Variants in KCNJ3 observed in about 807,000 individuals in gnomAD.
KCNJ3 encodes G protein-activated inward rectifier potassium channel 1.
KCNJ3 carries 4 observed loss-of-function variants against 39.2 expected under a neutral mutation model. That is an observed-to-expected ratio of 0.10 (90% CI 0.05 to 0.23). The LOEUF (loss-of-function observed/expected upper bound fraction) is 0.23, where lower values mean the gene tolerates loss of function less well. Ranked by LOEUF, KCNJ3 falls within the 10% of genes least tolerant of loss-of-function variation. The probability of loss-of-function intolerance (pLI) is 1.00; values close to 1 mark genes in which losing one functional copy is unlikely to be tolerated. For synonymous variants in KCNJ3, 230 were observed against 237.4 expected, an observed-to-expected ratio of 0.97 and a Z score of 0.29; for missense variants, 276 against 634.9, an observed-to-expected ratio of 0.43 and a Z score of 6.08.
At chr2:154,789,342 A>G (rs1230637286) in intron 2 of KCNJ3, among the ~76,000 whole-genome samples, 1 of 152,054 alleles carries the variant, frequency 6.6e-6, no homozygotes, top group Non-Finnish European at 1.5e-5. Flanking sequence ...AACACAAAGA[A>G]TATTTGTTTT....
intron 2 of KCNJ3, among the ~76,000 whole-genome samples, chr2:154,782,912 C>T (rs1004534852): frequency 6.6e-6 from 1 of 152,130 alleles, no homozygotes; most frequent in Non-Finnish European, 1.5e-5. Context: ...TGTGGTGCCT[C>T]ACACCTGTAG....
chr2:154,851,818 T>C (rs942377680), intron 2 of KCNJ3, among the ~76,000 whole-genome samples: 2 of 152,190 alleles, frequency 1.3e-5, no homozygotes, highest in Non-Finnish European at 2.9e-5. Flanking sequence ...TTTAAGTACC[T>C]TAATAATTGA....
chr2:154,736,747 G>A (rs946554607), intron 2 of KCNJ3, among the ~76,000 whole-genome samples: 2 of 152,148 alleles, frequency 1.3e-5, no homozygotes, highest in African/African-American at 2.4e-5. Context: ...AAACAACTGA[G>A]CAAAACATAT....
intron 2 of KCNJ3, among the ~76,000 whole-genome samples, chr2:154,752,433 A>C (rs1297892555): frequency 6.6e-6 from 1 of 152,018 alleles, no homozygotes; most frequent in Non-Finnish European, 1.5e-5. Context: ...TGGAGCTTTA[A>C]AGAAGGATTT....
chr2:154,755,455 G>A (rs1203801554), intron 2 of KCNJ3, among the ~76,000 whole-genome samples: 2 of 150,754 alleles, frequency 1.3e-5, no homozygotes, highest in Admixed American at 6.6e-5. Flanking sequence ...CTGATATTAG[G>A]CATTTGCAAA....
intron 2 of KCNJ3, among the ~76,000 whole-genome samples, chr2:154,723,241 C>T (rs144247825): frequency 3.4e-4 from 52 of 152,030 alleles, no homozygotes; most frequent in African/African-American, 1.1e-3. Context: ...GCTGTGATGG[C>T]GCCACTGCAC....
chr2:154,722,507 C>T (rs1198646776), intron 2 of KCNJ3, among the ~76,000 whole-genome samples: 2 of 152,138 alleles, frequency 1.3e-5, no homozygotes, highest in African/African-American at 2.4e-5. Flanking sequence ...GTTTAAATAA[C>T]TGAATGACAT....
intron 2 of KCNJ3, among the ~76,000 whole-genome samples, chr2:154,781,408 T>C (rs921142096): frequency 1.3e-5 from 2 of 152,208 alleles, no homozygotes; most frequent in Non-Finnish European, 2.9e-5. Flanking sequence ...TTGCAACTAA[T>C]AGATGAATAC....
At chr2:154,811,930 C>T (rs1687014401) in intron 2 of KCNJ3, among the ~76,000 whole-genome samples, 1 of 152,232 alleles carries the variant, frequency 6.6e-6, no homozygotes, top group East Asian at 1.9e-4. Flanking sequence ...TACTTAAAGC[C>T]TCCTGTGTTT....
At chr2:154,816,085 A>C (rs1468739105) in intron 2 of KCNJ3, among the ~76,000 whole-genome samples, 1 of 152,176 alleles carries the variant, frequency 6.6e-6, no homozygotes, top group African/African-American at 2.4e-5. Context: ...TCTGCCTCGC[A>C]TGTAGTAGAT....
At chr2:154,818,785 C>T (rs1226380134) in intron 2 of KCNJ3, among the ~76,000 whole-genome samples, 1 of 152,044 alleles carries the variant, frequency 6.6e-6, no homozygotes, top group African/African-American at 2.4e-5. Context: ...ATGGAAGTTT[C>T]AAAACATCTG....
intron 2 of KCNJ3, among the ~76,000 whole-genome samples, chr2:154,771,232 T>G (rs1232234273): frequency 6.6e-6 from 1 of 152,114 alleles, no homozygotes; most frequent in East Asian, 1.9e-4. Context: ...AGGAAATTTA[T>G]CTGGAAGAGG....
At chr2:154,783,891 T>A (rs1686482553) in intron 2 of KCNJ3, among the ~76,000 whole-genome samples, 1 of 152,196 alleles carries the variant, frequency 6.6e-6, no homozygotes, top group Non-Finnish European at 1.5e-5. Flanking sequence ...ACCACTATTA[T>A]TGATTGAATT....
At chr2:154,799,963 C>A (rs1397848370) in intron 2 of KCNJ3, among the ~76,000 whole-genome samples, 1 of 152,072 alleles carries the variant, frequency 6.6e-6, no homozygotes, top group African/African-American at 2.4e-5. Flanking sequence ...TGGGATCTAG[C>A]TGGAGAGTGG....
At chr2:154,705,191 A>G in intron 1 of KCNJ3, among the ~76,000 whole-genome samples, 1 of 152,178 alleles carries the variant, frequency 6.6e-6, no homozygotes, top group Middle Eastern at 3.2e-3. Context: ...CGGGAGAGAG[A>G]GAGGTAGCTA....
At chr2:154,817,075 AT>A (rs1687093746) in intron 2 of KCNJ3, among the ~76,000 whole-genome samples, 2 of 152,214 alleles carry the variant, frequency 1.3e-5, no homozygotes, top group South Asian at 4.1e-4. Context: ...GGAAACAAAA[AT>A]AACACAATCA....
At chr2:154,719,990 G>T (rs1441465854) in intron 2 of KCNJ3, among the ~76,000 whole-genome samples, 1 of 151,892 alleles carries the variant, frequency 6.6e-6, no homozygotes, top group Non-Finnish European at 1.5e-5. Context: ...TTGACCTGCT[G>T]GATTCATAGC....
At chr2:154,706,052 A>T (rs1685003158) in intron 1 of KCNJ3, among the ~76,000 whole-genome samples, 1 of 152,056 alleles carries the variant, frequency 6.6e-6, no homozygotes, top group Admixed American at 6.5e-5. Context: ...AATTCTTGTG[A>T]TTCTAAATAA....
At chr2:154,718,994 C>A (rs1240244247) in intron 2 of KCNJ3, among the ~76,000 whole-genome samples, 1 of 152,058 alleles carries the variant, frequency 6.6e-6, no homozygotes, top group East Asian at 1.9e-4. Flanking sequence ...GGTTAAGATG[C>A]GTCATAGTGC....
Sources: allele counts gnomAD v4.1 joint callset (sites outside exome capture counted in the v4.1 genomes callset), GRCh38; gene constraint gnomAD v4.1.1; transcripts MANE v1.5; gene names NCBI Gene and HGNC (gene_info 2026-07-23, HGNC 2026-07-21).